The following PCDHA13 variants were observed in gnomAD, a reference collection of about 807,000 sequenced individuals.
The protein encoded by PCDHA13 is protocadherin alpha-13.
PCDHA13 carries 54 observed loss-of-function variants against 64.8 expected under a neutral mutation model. The observed-to-expected ratio is 0.83, with a 90% confidence interval of 0.67 to 1.04. The LOEUF is 1.04. PCDHA13 is among the 50% of genes least tolerant of loss of function. The pLI is 0.00. For missense variants in PCDHA13, 1,248 were observed against 1,254.3 expected (o/e 0.99, Z 0.08); for synonymous variants, 587 against 564.4 (o/e 1.04, Z -0.57).
In PCDHA13 at chr5:141,000,775, C is replaced by T. The variant is rs919489031; in HGVS notation, c.2543-8852C>T. 3.3e-5 allele frequency among the ~76,000 whole-genome samples: 5 copies of T among 151,752 alleles called. No homozygotes were observed. In the East Asian group the frequency reaches 5.8e-4, roughly 18 times the overall value. On this transcript the variant is annotated intron_variant, in intron 3 of 3. Transcript: ENST00000289272. ...AAAAAATCTTAGCCAGGCATAGTGG[C>T]GCACACCTGTATTCCTAGCTACTCA...
Position 140,882,367 on chromosome 5 carries a change from C to G in PCDHA13, c.99C>G (p.Tyr33Ter). ...AGACGGGTAGTGGCCAGCTCCACTA[C>G]TCCGTCCCCGAGGAAGCAAAACACG... is the stretch of plus-strand genomic sequence containing the variant. ...AWETGSGQLH[Y>*]SVPEEAKHGT... is the part of the protein sequence containing the mutation. Residue 33 changes from tyrosine (Y) to a stop codon, truncating the protein, a stop_gained, in exon 1 of 4, where the codon TAC (tyrosine) becomes TAG (stop). Coordinates refer to ENST00000289272, the MANE Select transcript of PCDHA13 (RefSeq NM_018904.3). LOFTEE classifies it high-confidence loss of function. 22 of 1,614,228 alleles carry G rather than the reference C, an allele frequency of 1.4e-5. No individual in the cohort carries two copies. Among genetic ancestry groups the G allele is most frequent in the Non-Finnish European group, 1.7e-5 (20 of 1,180,042 alleles).
rs2098415868 is a variant in PCDHA13 at position 141,010,044 on chromosome 5, G to A, written c.*107G>A. On this transcript the variant is annotated 3_prime_UTR_variant, in exon 4 of 4. Coordinates refer to ENST00000289272, the MANE Select transcript of PCDHA13 (RefSeq NM_018904.3). ...TTTCCTATCTACATGAGCCCTCTTA[G>A]AGACCTCAGAAATCTGCAGAAAGTT... 6.3e-7 allele frequency: 1 copy of A among 1,594,604 alleles called. No individual in the cohort carries two copies. The highest frequency in any genetic ancestry group is 8.5e-7 in the Non-Finnish European group (1 of 1,171,226).
intron 1 of PCDHA13, chr5:140,929,215 T>C (rs1554206842): frequency 1.2e-6 from 2 of 1,613,934 alleles, no homozygotes; most frequent in East Asian, 2.2e-5. Context: ...GCGTGGGGAG[T>C]ACAATGCTGC....
intron 1 of PCDHA13, chr5:140,927,843 C>T (rs1563097859): frequency 1.2e-6 from 2 of 1,614,186 alleles, no homozygotes; most frequent in Non-Finnish European, 1.7e-6. Context: ...ACGAAGGTGT[C>T]TTTGGTTTAG....
chr5:140,967,737 A>G, intron 1 of PCDHA13: 1 of 1,614,170 alleles, frequency 6.2e-7, no homozygotes, highest in Non-Finnish European at 8.5e-7. Flanking sequence ...GGGGGGCTGG[A>G]TTATGAGGAA....
intron 1 of PCDHA13, among the ~76,000 whole-genome samples, chr5:140,937,096 G>T (rs1173485186): frequency 4.1e-5 from 6 of 146,810 alleles, no homozygotes; most frequent in African/African-American, 1.5e-4. Context: ...GGAGTGCAGT[G>T]GCGCAGTCTC....
chr5:140,958,637 A>G (rs2095435071), intron 1 of PCDHA13, among the ~76,000 whole-genome samples: 1 of 152,192 alleles, frequency 6.6e-6, no homozygotes. Flanking sequence ...TACTGCAGAA[A>G]ACCAATCACA....
chr5:140,975,840 A>G (rs1387222678), intron 1 of PCDHA13, among the ~76,000 whole-genome samples: 2 of 152,202 alleles, frequency 1.3e-5, no homozygotes, highest in African/African-American at 2.4e-5. Context: ...CTTATTCTTC[A>G]GTAATACTAC....
intron 1 of PCDHA13, among the ~76,000 whole-genome samples, chr5:140,941,848 G>A (rs2093183003): frequency 6.6e-6 from 1 of 152,142 alleles, no homozygotes; most frequent in South Asian, 2.1e-4. Flanking sequence ...GCCATTACCT[G>A]ATATTCCCTA....
rs144119560 is a variant in PCDHA13 at position 140,883,581 on chromosome 5, C to G, written c.1313C>G (p.Thr438Arg). The part of the protein sequence containing the change: ...RDGGSPSLWA[T>R]ASVSVGVADV... ...GGGGGCTCGCCTTCGCTGTGGGCCACGGCCAGCGTGTCGGTGGGGGTGGCC... is the reference window on the plus strand; with the variant it reads ...GGGGGCTCGCCTTCGCTGTGGGCCAGGGCCAGCGTGTCGGTGGGGGTGGCC... The change falls in exon 1 of 4, where the codon ACG (threonine) becomes AGG (arginine). Residue 438 changes from threonine to arginine, a missense_variant. Coordinates refer to ENST00000289272, the MANE Select transcript of PCDHA13 (RefSeq NM_018904.3). 2.6e-4 allele frequency: 420 copies of G among 1,614,018 alleles called. 1 individual carries two copies. In the African/African-American group the frequency reaches 5.3e-3, roughly 20 times the overall value.
chr5:140,994,190 C>G (rs1377695035), intron 3 of PCDHA13, among the ~76,000 whole-genome samples: 1 of 152,136 alleles, frequency 6.6e-6, no homozygotes, highest in Non-Finnish European at 1.5e-5. Context: ...ACCACCAGGG[C>G]CTGTTGGTCC....
chr5:140,955,501 A>G (rs1479045859), intron 1 of PCDHA13, among the ~76,000 whole-genome samples: 5 of 152,114 alleles, frequency 3.3e-5, no homozygotes, highest in African/African-American at 1.2e-4. Context: ...CATGTGAAGA[A>G]AGACGTGTTT....
chr5:140,977,484 G>A (rs2096763384), intron 1 of PCDHA13, among the ~76,000 whole-genome samples: 1 of 152,220 alleles, frequency 6.6e-6, no homozygotes. Flanking sequence ...TTTATGCTAT[G>A]TTATATGGAA....
intron 1 of PCDHA13, among the ~76,000 whole-genome samples, chr5:140,907,450 T>C (rs1235040607): frequency 1.1e-4 from 17 of 152,218 alleles, no homozygotes; most frequent in Non-Finnish European, 2.5e-4. Context: ...CAGATGGTAA[T>C]CTTGGCAGAA....
intron 1 of PCDHA13, chr5:140,928,231 CA>C: frequency 6.2e-7 from 1 of 1,614,226 alleles, no homozygotes; most frequent in Non-Finnish European, 8.5e-7. Flanking sequence ...AAACTTTCCT[CA>C]ACCCCAGCAG....
chr5:140,926,805 G>A, intron 1 of PCDHA13: 2 of 1,452,468 alleles, frequency 1.4e-6, no homozygotes, highest in Non-Finnish European at 9.0e-7. Flanking sequence ...GCTCTTCCCC[G>A]CGGCTCGTGC....
At chr5:140,936,527 T>G (rs533687361) in intron 1 of PCDHA13, among the ~76,000 whole-genome samples, 3 of 152,368 alleles carry the variant, frequency 2.0e-5, no homozygotes, top group African/African-American at 7.2e-5. Context: ...CTGAAATTGC[T>G]TTTGAATATA....
At chr5:140,995,653 G>A (rs964259982) in intron 3 of PCDHA13, among the ~76,000 whole-genome samples, 1 of 152,100 alleles carries the variant, frequency 6.6e-6, no homozygotes, top group Non-Finnish European at 1.5e-5. Context: ...AAGGAGAATC[G>A]AAAAGGGAAG....
intron 1 of PCDHA13, among the ~76,000 whole-genome samples, chr5:140,942,047 T>C (rs2093223138): frequency 6.6e-6 from 1 of 152,228 alleles, no homozygotes; most frequent in African/African-American, 2.4e-5. Context: ...TGGTCTATTA[T>C]GAAATGTTTG....
Sources: gnomAD v4.1 joint callset for allele counts (sites outside exome capture counted in the v4.1 genomes callset) on GRCh38, gnomAD v4.1.1 for gene constraint, MANE v1.5 for transcripts, NCBI Gene and HGNC (gene_info 2026-07-23, HGNC 2026-07-21) for gene names.